Variants in VPS72 observed in about 807,000 individuals in gnomAD.
VPS72 encodes vacuolar protein sorting-associated protein 72 homolog.
VPS72 carries 27 observed loss-of-function variants against 38.9 expected under a neutral mutation model. The ratio of observed to expected loss-of-function variants is 0.69; its 90% CI spans 0.51 to 0.96. The LOEUF (loss-of-function observed/expected upper bound fraction) is 0.96, where lower values mean the gene tolerates loss of function less well. Ranked by LOEUF, VPS72 falls within the 40% of genes least tolerant of loss-of-function variation. VPS72 has a pLI of 0.00. For synonymous variants in VPS72, 173 were observed against 186.3 expected (o/e 0.93, Z 0.58); for missense variants, 360 against 479.5 (o/e 0.75, Z 2.33).
rs779991688 is a variant in VPS72 at position 151,178,103 on chromosome 1, T to G, written c.605A>C (p.His202Pro). Residue 202 changes from histidine to proline, a missense_variant, in exon 5 of 6, where the codon CAT (histidine) becomes CCT (proline). His to Pro is a moderately conservative substitution (Grantham distance 77, BLOSUM62 -2). This residue lies in a region of VPS72 where 294 missense variants were observed against 356.3 expected (regional missense o/e 0.83). Transcript: ENST00000368892. ...GGGCCCGGGGCACTTCCGCTTCTTA[T>G]GAACCTGCTTCTTTTTATCAGCCTC... is the stretch of plus-strand genomic sequence containing the variant. Reference protein sequence around the residue: ...RLEADKKKQVHKKRKCPGPII... With the variant: ...RLEADKKKQVPKKRKCPGPII... 6.2e-7 allele frequency: 1 copy of G among 1,614,164 alleles called. No individual in the cohort carries two copies. Among genetic ancestry groups the G allele is most frequent in the Non-Finnish European group, 8.5e-7 (1 of 1,180,038 alleles).
intron 4 of VPS72, among the ~76,000 whole-genome samples, chr1:151,181,176 GC>G (rs1684230114): frequency 6.6e-6 from 1 of 151,546 alleles, no homozygotes; most frequent in Non-Finnish European, 1.5e-5. Flanking sequence ...CACATGGGTA[GC>G]CCCTTCAACA....
At position 151,177,884 on chromosome 1, in the gene VPS72, G is replaced by A; in HGVS notation, c.707+117C>T. 2.5e-6 allele frequency: 3 copies of A among 1,213,876 alleles called. No individual in the cohort carries two copies. In the Middle Eastern group the frequency reaches 6.5e-4, roughly 264 times the overall value. 75.2% of individuals were successfully genotyped at this position (1,213,876 alleles called of 1,614,324 possible). On this transcript the variant is annotated intron_variant, in intron 5 of 5. Transcript: ENST00000368892. Reference sequence around the variant, plus strand: ...AAAGAAATTGAGCTGAAGGGAGTTAGGAATCTGAAAGAAATCTCCAAGTGT... The same window carrying A: ...AAAGAAATTGAGCTGAAGGGAGTTAAGAATCTGAAAGAAATCTCCAAGTGT...
chr1:151,186,184 G>T (rs1019877767), intron 1 of VPS72, among the ~76,000 whole-genome samples: 1 of 151,994 alleles, frequency 6.6e-6, no homozygotes, highest in Non-Finnish European at 1.5e-5. Context: ...AAGTACTGGG[G>T]AACAAAAGGA....
chr1:151,184,052 G>A (rs1004114598), intron 4 of VPS72, among the ~76,000 whole-genome samples: 1 of 152,066 alleles, frequency 6.6e-6, no homozygotes, highest in African/African-American at 2.4e-5. Flanking sequence ...TTTACCTACA[G>A]ACTTAAAGCA....
intron 4 of VPS72, among the ~76,000 whole-genome samples, chr1:151,181,857 T>C (rs1366580954): frequency 2.0e-5 from 3 of 152,074 alleles, no homozygotes; most frequent in Non-Finnish European, 4.4e-5. Context: ...CGCCATGCCC[T>C]CCCTCTGGAT....
Position 151,179,683 on chromosome 1 carries a change from G to A in VPS72, c.563-1538C>T, listed in dbSNP as rs149983480. 4.5e-3 allele frequency among the ~76,000 whole-genome samples: 676 copies of A among 151,318 alleles called. 6 individuals are homozygous for A. Among genetic ancestry groups the A allele is most frequent in the African/African-American group, 0.015 (632 of 41,250 alleles). On this transcript the variant is annotated intron_variant, in intron 4 of 5. Coordinates refer to ENST00000368892, the MANE Select transcript of VPS72 (RefSeq NM_005997.3). ...TGAGGTGGGCAGAGCACCTGAGGTC[G>A]GGAGTTTGAGACCAGCCTGACCAAC... is the stretch of plus-strand genomic sequence containing the variant.
At chr1:151,189,518 T>G (rs1335123160) in intron 1 of VPS72, among the ~76,000 whole-genome samples, 1 of 152,328 alleles carries the variant, frequency 6.6e-6, no homozygotes, top group East Asian at 1.9e-4. Flanking sequence ...AAGGAAGGGT[T>G]ATCTTCCTGA....
chr1:151,184,293 CT>C, intron 4 of VPS72, 23 bp downstream of exon 4: 2 of 1,611,174 alleles, frequency 1.2e-6, no homozygotes, highest in Non-Finnish European at 1.7e-6. Flanking sequence ...CCTCTACTCA[CT>C]TTTTCTGAAA....
At chr1:151,181,113 C>T (rs773197053) in intron 4 of VPS72, among the ~76,000 whole-genome samples, 7 of 152,194 alleles carry the variant, frequency 4.6e-5, no homozygotes, top group Non-Finnish European at 8.8e-5. Flanking sequence ...TTCCACTCTT[C>T]GTCTCTACCC....
At chr1:151,181,668 GCA>G (rs1684242315) in intron 4 of VPS72, among the ~76,000 whole-genome samples, 1 of 152,090 alleles carries the variant, frequency 6.6e-6, no homozygotes, top group Non-Finnish European at 1.5e-5. Flanking sequence ...AAAAATAACA[GCA>G]CAGACTGGAA....
At chr1:151,182,658 T>C (rs1238654137) in intron 4 of VPS72, among the ~76,000 whole-genome samples, 1 of 152,134 alleles carries the variant, frequency 6.6e-6, no homozygotes, top group African/African-American at 2.4e-5. Context: ...GACCTCTATC[T>C]CACCAAAACC....
At position 151,184,504 on chromosome 1, in the gene VPS72, G is replaced by C; in HGVS notation, c.386-11C>G. The C allele has an allele frequency of 6.3e-7, 1 of 1,594,118 alleles. No homozygotes were observed. Among genetic ancestry groups the C allele is most frequent in the Non-Finnish European group, 8.6e-7 (1 of 1,166,740 alleles). ...GCATAGACTTCCGACCTGGAAGAGA[G>C]TGAGATAAGAAGAAATCTTTGAATT... On this transcript the variant is annotated splice_polypyrimidine_tract_variant and intron_variant, in intron 3 of 5. Coordinates refer to ENST00000368892, the MANE Select transcript of VPS72 (RefSeq NM_005997.3).
chr1:151,176,976 C>A lies in VPS72; in HGVS notation c.763G>T (p.Val255Phe), dbSNP rs148169645. 1 of 1,603,204 alleles carries A rather than the reference C, an allele frequency of 6.2e-7. No homozygotes were observed. The highest frequency in any genetic ancestry group is 8.5e-7 in the Non-Finnish European group (1 of 1,173,282). The change falls in exon 6 of 6, where the codon GTC (valine) becomes TTC (phenylalanine). Residue 255 changes from valine (V) to phenylalanine (F), a missense_variant. By Grantham distance (50) the Val-to-Phe change is conservative (BLOSUM62 -1). This residue lies in a region of VPS72 where 294 missense variants were observed against 356.3 expected (regional missense o/e 0.83). Transcript: ENST00000368892. ...ALTPHAGTGP[V>F]NPPARCSRTF... ...CGTGAGCAGCGAGCAGGGGGGTTGACGGGTCCAGTCCCAGCATGAGGAGTC... is the reference window on the plus strand; with the variant it reads ...CGTGAGCAGCGAGCAGGGGGGTTGAAGGGTCCAGTCCCAGCATGAGGAGTC...
chr1:151,178,428 G>A (rs1482758443), intron 4 of VPS72, among the ~76,000 whole-genome samples: 1 of 152,152 alleles, frequency 6.6e-6, no homozygotes, highest in Non-Finnish European at 1.5e-5. Flanking sequence ...GAGCTTATTT[G>A]CTTTCCCAGA....
Position 151,176,655 on chromosome 1 carries a change from C to T in VPS72, c.1084G>A (p.Val362Ile), listed in dbSNP as rs2101719139. Residue 362 changes from valine (V) to isoleucine (I), a missense_variant, in exon 6 of 6, where the codon GTC becomes ATC. Physicochemically the swap from Val to Ile is conservative, Grantham distance 29 (BLOSUM62 3). This residue lies in a region of VPS72 where 294 missense variants were observed against 356.3 expected (regional missense o/e 0.83). Coordinates refer to ENST00000368892, the MANE Select transcript of VPS72 (RefSeq NM_005997.3). Reference protein sequence around the residue: ...SGPRALRQKIVIK With the variant: ...SGPRALRQKIIIK Reference sequence around the variant, plus strand: ...GACTAGACATCTCTTCATTTAATGACAATTTTCTGGCGCAAGGCTCGGGGC... The same window carrying T: ...GACTAGACATCTCTTCATTTAATGATAATTTTCTGGCGCAAGGCTCGGGGC... The T allele has an allele frequency of 1.2e-6, 2 of 1,613,452 alleles. No individual in the cohort carries two copies. The highest frequency in any genetic ancestry group is 1.7e-6 in the Non-Finnish European group (2 of 1,179,788).
intron 3 of VPS72, 150 bp from the exon 4 acceptor site, chr1:151,184,643 T>C (rs1269941007): frequency 1.1e-6 from 1 of 870,216 alleles, no homozygotes; most frequent in East Asian, 2.9e-5. Context: ...TGGAGTACAG[T>C]GGCACGATCT....
chr1:151,184,313 T>C lies in VPS72; in HGVS notation c.562+4A>G. ...ACTCACTTTTTCTGAAACCACAGACTTACCCAGTGACCGTAAATTAAGCTC... is the reference window on the plus strand; with the variant it reads ...ACTCACTTTTTCTGAAACCACAGACCTACCCAGTGACCGTAAATTAAGCTC... On this transcript the variant is annotated splice_donor_region_variant and intron_variant, in intron 4 of 5. Coordinates refer to ENST00000368892, the MANE Select transcript of VPS72 (RefSeq NM_005997.3). 3 of 1,613,850 alleles carry C rather than the reference T, an allele frequency of 1.9e-6. No individual in the cohort carries two copies. The highest frequency in any genetic ancestry group is 2.5e-6 in the Non-Finnish European group (3 of 1,179,774).
chr1:151,177,850 A>AAAAAAG, intron 5 of VPS72, 151 bp downstream of exon 5: 1 of 1,004,782 alleles, frequency 1.0e-6, no homozygotes, highest in Non-Finnish European at 1.4e-6. Context: ...CTCAAAAAAA[A>AAAAAAG]AAAAAGAAAA....
In VPS72 at chr1:151,176,374, A is replaced by G; in HGVS notation, c.*270T>C. The G allele has an allele frequency of 2.2e-6, 1 of 456,704 alleles. No homozygotes were observed. 28.3% of individuals were successfully genotyped at this position (456,704 alleles called of 1,614,324 possible). A position where few individuals can be genotyped will look rare whatever the true frequency, so the allele number is the denominator to read the frequency against. On this transcript the variant is annotated 3_prime_UTR_variant, in exon 6 of 6. Transcript: ENST00000368892. ...GAATACAATTTAGAAAGGACAGCTC[A>G]TAATAAATGCTATCGAATAAAGACC...
Sources: allele counts gnomAD v4.1 joint callset (sites outside exome capture counted in the v4.1 genomes callset), GRCh38; gene constraint gnomAD v4.1.1; regional missense constraint gnomAD v4.1.1; transcripts MANE v1.5; gene names NCBI Gene and HGNC (gene_info 2026-07-23, HGNC 2026-07-21).